DIAPH3: variants seen among roughly 807,000 people sequenced by gnomAD.
DIAPH3 encodes protein diaphanous homolog 3.
DIAPH3 carries 117 observed loss-of-function variants against 144.3 expected under a neutral mutation model. That is an observed-to-expected ratio of 0.81 (90% confidence interval 0.70 to 0.95). The LOEUF (loss-of-function observed/expected upper bound fraction) is 0.95. DIAPH3 is among the 40% of genes least tolerant of loss of function. DIAPH3 has a pLI of 0.00. For synonymous variants in DIAPH3, 519 were observed against 488.9 expected, an observed-to-expected ratio of 1.06 and a Z score of -0.81; for missense variants, 1,421 against 1,412.7, an observed-to-expected ratio of 1.01 and a Z score of -0.09.
intron 27 of DIAPH3, among the ~76,000 whole-genome samples, chr13:59,748,101 C>G (rs1010548688): frequency 6.6e-6 from 1 of 152,150 alleles, no homozygotes; most frequent in Admixed American, 6.5e-5. Context: ...TCTGATTCTG[C>G]CCCTGGAACA....
chr13:60,115,799 C>A (rs2058689274), intron 2 of DIAPH3, among the ~76,000 whole-genome samples: 2 of 151,912 alleles, frequency 1.3e-5, no homozygotes, highest in African/African-American at 2.4e-5. Context: ...AGTTTGTCTG[C>A]AAGTTTTTTC....
At chr13:59,667,192 C>G (rs987360528) in intron 27 of DIAPH3, among the ~76,000 whole-genome samples, 1 of 152,170 alleles carries the variant, frequency 6.6e-6, no homozygotes, top group Non-Finnish European at 1.5e-5. Flanking sequence ...CCCTAGCCAC[C>G]CATCTAAAAT....
At chr13:59,729,116 T>A (rs539412857) in intron 27 of DIAPH3, among the ~76,000 whole-genome samples, 2 of 152,262 alleles carry the variant, frequency 1.3e-5, no homozygotes, top group East Asian at 3.9e-4. Context: ...AAGAGAGGCA[T>A]CAGAATTCCT....
rs12431045 is a variant in DIAPH3, at chr13:59,993,633, G to T, written c.1015-1050C>A. ...ATCTGACCAGCATGCCTCTACTGTC[G>T]AAACTTAAGGTTGTTTAAAGTGGGA... On this transcript the variant is annotated intron_variant, in intron 9 of 27. Transcript: ENST00000400324. 9.0e-3 allele frequency among the ~76,000 whole-genome samples: 1,270 copies of T among 140,332 alleles called. 9 individuals are homozygous for T. The highest frequency in any genetic ancestry group is 0.014 in the Admixed American group (178 of 12,528). 92.1% of individuals were successfully genotyped at this position (140,332 alleles called of 152,430 possible).
chr13:59,744,903 G>A (rs145270604), intron 27 of DIAPH3, among the ~76,000 whole-genome samples: 74 of 152,226 alleles, frequency 4.9e-4, no homozygotes, highest in African/African-American at 1.7e-3. Context: ...GGATGCCTGA[G>A]GGAAGAGCCA....
intron 23 of DIAPH3, among the ~76,000 whole-genome samples, chr13:59,833,820 G>A (rs923094155): frequency 6.6e-6 from 1 of 151,656 alleles, no homozygotes; most frequent in Non-Finnish European, 1.5e-5. Flanking sequence ...GACTAAATGA[G>A]CTAACACATG....
intron 5 of DIAPH3, among the ~76,000 whole-genome samples, chr13:60,023,895 G>T (rs571434344): frequency 9.1e-6 from 1 of 109,396 alleles, no homozygotes; most frequent in African/African-American, 3.6e-5. Context: ...TCGCTCTGTC[G>T]CCCAGGCTGG....
intron 25 of DIAPH3, among the ~76,000 whole-genome samples, chr13:59,804,724 T>C (rs973376468): frequency 2.6e-5 from 4 of 152,148 alleles, no homozygotes; most frequent in Non-Finnish European, 5.9e-5. Flanking sequence ...ATTGGCTTAT[T>C]TATATGCACC....
chr13:59,805,016 G>A (rs185410760), intron 25 of DIAPH3, among the ~76,000 whole-genome samples: 1 of 152,072 alleles, frequency 6.6e-6, no homozygotes, highest in Non-Finnish European at 1.5e-5. Flanking sequence ...TGGCCATGTG[G>A]GTAAACAACA....
chr13:59,728,014 T>C (rs978951020), intron 27 of DIAPH3, among the ~76,000 whole-genome samples: 6 of 151,110 alleles, frequency 4.0e-5, no homozygotes, highest in African/African-American at 1.5e-4. Context: ...ATGCCTAGAG[T>C]AGTACATGGA....
intron 4 of DIAPH3, among the ~76,000 whole-genome samples, chr13:60,083,571 A>AC (rs2057638086): frequency 6.6e-6 from 1 of 152,102 alleles, no homozygotes; most frequent in Non-Finnish European, 1.5e-5. Context: ...AAATACACAC[A>AC]TCAGCAAAAT....
chr13:59,851,178 A>T (rs559809689), intron 22 of DIAPH3, among the ~76,000 whole-genome samples: 59 of 152,294 alleles, frequency 3.9e-4, no homozygotes, highest in African/African-American at 1.4e-3. Context: ...CTTATCCACC[A>T]TGATCAAGTC....
intron 5 of DIAPH3, among the ~76,000 whole-genome samples, chr13:60,025,599 GAAGAGTC>G (rs1461336475): frequency 1.3e-5 from 2 of 151,764 alleles, no homozygotes; most frequent in East Asian, 1.9e-4. Context: ...TTCAAAAAGA[GAAGAGTC>G]AAGAGTCAAG....
chr13:59,876,196 A>T (rs1383837154), intron 21 of DIAPH3, among the ~76,000 whole-genome samples: 3 of 152,208 alleles, frequency 2.0e-5, no homozygotes, highest in Non-Finnish European at 4.4e-5. Flanking sequence ...TCAGTGTGAA[A>T]ATTCAATCAC....
intron 27 of DIAPH3, among the ~76,000 whole-genome samples, chr13:59,751,932 G>C (rs574373998): frequency 1.3e-5 from 2 of 152,160 alleles, no homozygotes; most frequent in Non-Finnish European, 2.9e-5. Flanking sequence ...ACATTCTATG[G>C]ATCTGATCCA....
At chr13:60,010,793 T>C (rs1429965483) in intron 7 of DIAPH3, 124 bp from the exon 8 acceptor site, 2 of 952,522 alleles carry the variant, frequency 2.1e-6, no homozygotes, top group Admixed American at 4.9e-5. Context: ...AGCTAAAAAA[T>C]ATAGACTGTG....
At position 59,667,168 on chromosome 13, in the gene DIAPH3, A is replaced by C. The variant is rs117446935; in HGVS notation, c.3320-322T>G. Among the ~76,000 whole-genome samples, 16 of 152,278 alleles carry C rather than the reference A, an allele frequency of 1.1e-4. No individual in the cohort carries two copies. In the East Asian group the frequency reaches 2.7e-3, roughly 26 times the overall value. ...CAGGTCTCTGTTCAAACACCACCTA[A>C]AAAGAGAGGCCTTCCCTAGCCACCC... On this transcript the variant is annotated intron_variant, in intron 27 of 27. Coordinates refer to ENST00000400324, the MANE Select transcript of DIAPH3 (RefSeq NM_001042517.2).
At chr13:59,856,551 T>C (rs541998133) in intron 22 of DIAPH3, among the ~76,000 whole-genome samples, 2 of 152,316 alleles carry the variant, frequency 1.3e-5, no homozygotes, top group South Asian at 4.1e-4. Flanking sequence ...CTATCCTCTG[T>C]ACATGTACAT....
At chr13:59,920,689 G>T (rs898297890) in intron 18 of DIAPH3, among the ~76,000 whole-genome samples, 5 of 151,716 alleles carry the variant, frequency 3.3e-5, no homozygotes, top group Admixed American at 3.3e-4. Context: ...CAGTCATCTA[G>T]ACAGAAAATC....
Sources: allele counts gnomAD v4.1 joint callset (sites outside exome capture counted in the v4.1 genomes callset), GRCh38; gene constraint gnomAD v4.1.1; transcripts MANE v1.5; gene names NCBI Gene and HGNC (gene_info 2026-07-23, HGNC 2026-07-21).